Variants in GHR observed in about 807,000 individuals in gnomAD.
The protein encoded by GHR is growth hormone receptor.
GHR carries 35 observed loss-of-function variants against 67.1 expected under a neutral mutation model. The observed-to-expected ratio is 0.52, with a 90% CI of 0.40 to 0.69. The LOEUF is 0.69. GHR is among the 30% of genes least tolerant of loss of function. GHR has a pLI of 0.00. For missense variants in GHR, 792 were observed against 764.6 expected, an observed-to-expected ratio of 1.04 and a Z score of -0.42; for synonymous variants, 272 against 269.1, an observed-to-expected ratio of 1.01 and a Z score of -0.10.
chr5:42,650,529 T>G (rs1754962521), intron 3 of GHR, among the ~76,000 whole-genome samples: 1 of 149,750 alleles, frequency 6.7e-6, no homozygotes, highest in Non-Finnish European at 1.5e-5. Context: ...AGTAGTAACA[T>G]CATTGGAATT....
At chr5:42,584,624 TTGTTAATATCATGGTAAGTGATG>T (rs750022654) in intron 2 of GHR, among the ~76,000 whole-genome samples, 3 of 152,224 alleles carry the variant, frequency 2.0e-5, no homozygotes, top group Non-Finnish European at 4.4e-5. Flanking sequence ...TTATCCTTGA[TTGTTAATATCATGGTAAGTGATG>T]TGTTATAAAT....
intron 1 of GHR, among the ~76,000 whole-genome samples, chr5:42,452,440 G>A (rs1266085946): frequency 2.0e-5 from 3 of 151,988 alleles, no homozygotes; most frequent in Non-Finnish European, 4.4e-5. Flanking sequence ...TGGATATCTA[G>A]GTCTCCAGCA....
At chr5:42,678,081 AC>A (rs1756659050) in intron 3 of GHR, among the ~76,000 whole-genome samples, 1 of 152,188 alleles carries the variant, frequency 6.6e-6, no homozygotes, top group African/African-American at 2.4e-5. Flanking sequence ...AGATTAGCTC[AC>A]TTAATCTTTA....
chr5:42,718,269 A>C, intron 9 of GHR, 148 bp downstream of exon 9: 1 of 720,312 alleles, frequency 1.4e-6, no homozygotes, highest in Admixed American at 2.8e-5. Context: ...TAAATATTCT[A>C]TTTCTTAAAA....
chr5:42,436,615 G>A (rs999982448), intron 1 of GHR, among the ~76,000 whole-genome samples: 2 of 152,106 alleles, frequency 1.3e-5, no homozygotes, highest in Non-Finnish European at 2.9e-5. Context: ...AGGCACAGAA[G>A]CATCTCCAAA....
intron 2 of GHR, among the ~76,000 whole-genome samples, chr5:42,566,271 G>C (rs1359284728): frequency 6.6e-6 from 1 of 152,092 alleles, no homozygotes; most frequent in Admixed American, 6.6e-5. Flanking sequence ...TACACTGAAG[G>C]GTTATTAGCT....
intron 1 of GHR, among the ~76,000 whole-genome samples, chr5:42,438,980 G>T (rs1385175027): frequency 6.6e-6 from 1 of 151,942 alleles, no homozygotes. Context: ...ACACTGTCCT[G>T]GTCATTTTTA....
chr5:42,676,282 TA>T (rs200133063), intron 3 of GHR, among the ~76,000 whole-genome samples: 3,412 of 147,374 alleles, frequency 0.023, 114 homozygotes, highest in African/African-American at 0.076. Context: ...AGACTCCATA[TA>T]AAAAAAAAAG....
chr5:42,699,942 A>G lies in GHR; in HGVS notation c.558A>G (p.Gly186=), dbSNP rs6179. The change falls in exon 6 of 10, where the codon GGA becomes GGG. Residue 186 remains glycine (G), a synonymous_variant. Coordinates refer to ENST00000230882, the MANE Select transcript of GHR (RefSeq NM_000163.5). ...CACGCAATGCAGATATTCAGAAAGG[A>G]TGGATGGTTCTGGAGTATGAACTTC... is the stretch of plus-strand genomic sequence containing the variant. ...EAPRNADIQK[G]WMVLEYELQY... 1,138,242 of 1,596,728 alleles carry G rather than the reference A, an allele frequency of 0.71. 410,555 individuals are homozygous for G. Among genetic ancestry groups the G allele is most frequent in the East Asian group, 0.87 (39,132 of 44,764 alleles).
chr5:42,478,533 ATTTG>A (rs1745451947), intron 1 of GHR, among the ~76,000 whole-genome samples: 1 of 152,164 alleles, frequency 6.6e-6, no homozygotes, highest in African/African-American at 2.4e-5. Context: ...ATGTTCTTCC[ATTTG>A]TTTGTATCCT....
intron 2 of GHR, among the ~76,000 whole-genome samples, chr5:42,569,636 T>C (rs1474719949): frequency 1.3e-5 from 2 of 152,188 alleles, no homozygotes; most frequent in African/African-American, 4.8e-5. Flanking sequence ...ATATGTAACA[T>C]ATATAGTATC....
intron 1 of GHR, among the ~76,000 whole-genome samples, chr5:42,487,312 G>A (rs1745927020): frequency 6.6e-6 from 1 of 152,068 alleles, no homozygotes; most frequent in Admixed American, 6.6e-5. Flanking sequence ...ATTCCTACTT[G>A]TATTCTTAAT....
At chr5:42,639,121 G>A (rs926414595) in intron 3 of GHR, among the ~76,000 whole-genome samples, 1 of 152,164 alleles carries the variant, frequency 6.6e-6, no homozygotes, top group Non-Finnish European at 1.5e-5. Flanking sequence ...TGGATGGAAA[G>A]GGCAATTATT....
Position 42,672,932 on chromosome 5 carries a change from A to G in GHR, c.137-15958A>G, listed in dbSNP as rs1211166100. Among the ~76,000 whole-genome samples the G allele has an allele frequency of 3.3e-5, 5 of 152,168 alleles. 1 individual carries two copies. Among genetic ancestry groups the G allele is most frequent in the Admixed American group, 3.3e-4 (5 of 15,286 alleles). On this transcript the variant is annotated intron_variant, in intron 3 of 9. Coordinates refer to ENST00000230882, the MANE Select transcript of GHR (RefSeq NM_000163.5). ...CAAAAACTGACAAGTTTTTCTGTGT[A>G]GAAGCTCTTAGTTTAAGAAAAAGAA... is the stretch of plus-strand genomic sequence containing the variant.
chr5:42,466,383 T>C (rs558582478), intron 1 of GHR, among the ~76,000 whole-genome samples: 22 of 152,282 alleles, frequency 1.4e-4, no homozygotes, highest in African/African-American at 5.3e-4. Context: ...TTTTAAAAAA[T>C]TACTTAGAAA....
chr5:42,499,694 C>T (rs1746459167), intron 1 of GHR, among the ~76,000 whole-genome samples: 2 of 152,188 alleles, frequency 1.3e-5, no homozygotes, highest in South Asian at 4.1e-4. Flanking sequence ...TTCAGGAGGG[C>T]TGGACATGTT....
intron 3 of GHR, among the ~76,000 whole-genome samples, chr5:42,641,113 T>C (rs1754450178): frequency 6.6e-6 from 1 of 152,142 alleles, no homozygotes; most frequent in African/African-American, 2.4e-5. Flanking sequence ...TGGTAAAATG[T>C]TGTTTCCTTT....
chr5:42,692,989 C>T (rs1411120070), intron 4 of GHR, among the ~76,000 whole-genome samples: 1 of 151,968 alleles, frequency 6.6e-6, no homozygotes, highest in African/African-American at 2.4e-5. Flanking sequence ...CAATGAACCA[C>T]CCACCTATTC....
At chr5:42,463,866 G>T (rs949958953) in intron 1 of GHR, among the ~76,000 whole-genome samples, 1 of 148,544 alleles carries the variant, frequency 6.7e-6, no homozygotes, top group South Asian at 2.2e-4. Context: ...AGTGGTGGGC[G>T]CCTGTAGTCC....
Sources: gnomAD v4.1 joint callset for allele counts (sites outside exome capture counted in the v4.1 genomes callset) on GRCh38, gnomAD v4.1.1 for gene constraint, MANE v1.5 for transcripts, NCBI Gene and HGNC (gene_info 2026-07-23, HGNC 2026-07-21) for gene names.